The following CHD4 variants were observed in gnomAD, a reference collection of about 807,000 sequenced individuals.
The protein encoded by CHD4 is ATP-dependent chromatin remodeler CHD4.
CHD4 carries 35 observed loss-of-function variants against 235.5 expected under a neutral mutation model. The observed-to-expected ratio is 0.15, with a 90% confidence interval of 0.11 to 0.20. The LOEUF (loss-of-function observed/expected upper bound fraction) is 0.20, where lower values mean the gene tolerates loss of function less well. Ranked by LOEUF, CHD4 falls within the 10% of genes least tolerant of loss-of-function variation. CHD4 has a pLI of 1.00. For synonymous variants in CHD4, 900 were observed against 850.2 expected, an observed-to-expected ratio of 1.06 and a Z score of -1.02; for missense variants, 1,329 against 2,432.3, an observed-to-expected ratio of 0.55 and a Z score of 9.54.
chr12:6,573,549 TAAC>T (rs1948015956), intron 37 of CHD4: 4 of 251,646 alleles, frequency 1.6e-5, no homozygotes, highest in South Asian at 1.3e-4. Flanking sequence ...CAAAAATTTT[TAAC>T]AACAGATAAT....
chr12:6,573,916 CAA>C (rs60218832), intron 37 of CHD4, among the ~76,000 whole-genome samples: 33,787 of 151,672 alleles, frequency 0.22, 5,061 homozygotes, highest in African/African-American at 0.43. Flanking sequence ...TGCAGCTACT[CAA>C]GAGGTTGAGG....
intron 25 of CHD4, among the ~76,000 whole-genome samples, chr12:6,586,679 A>G (rs1417367161): frequency 6.6e-6 from 1 of 151,592 alleles, no homozygotes; most frequent in East Asian, 1.9e-4. Context: ...TGGGTGACAG[A>G]GCAAGACCCT....
rs746971757 is a variant in CHD4, at chr12:6,600,201, A to G, written c.1242+16T>C. 46 of 1,613,022 alleles carry G rather than the reference A, an allele frequency of 2.9e-5. No homozygotes were observed. The highest frequency in any genetic ancestry group is 3.6e-5 in the Non-Finnish European group (42 of 1,179,456). On this transcript the variant is annotated intron_variant, in intron 9 of 39. Transcript: ENST00000544040. ...TTCTCATGGGTTCCAAGGGGCCACA[A>G]TGGCCAGACACTCACGCAGTGTGGG...
At chr12:6,581,004 AAAAC>A (rs150135724) in intron 33 of CHD4, 36 bp downstream of exon 33, 330 of 1,606,124 alleles carry the variant, frequency 2.1e-4, no homozygotes, top group Non-Finnish European at 2.4e-4. Context: ...ACACTGTCTC[AAAAC>A]AAACAAACAA....
chr12:6,586,281 T>TC (rs909013513), intron 25 of CHD4, among the ~76,000 whole-genome samples: 2 of 144,856 alleles, frequency 1.4e-5, no homozygotes, highest in African/African-American at 5.2e-5. Flanking sequence ...GCACCTGTAG[T>TC]CCCCAGCTAC....
intron 10 of CHD4, among the ~76,000 whole-genome samples, chr12:6,599,405 A>G (rs1948551648): frequency 6.6e-6 from 1 of 151,950 alleles, no homozygotes; most frequent in Non-Finnish European, 1.5e-5. Flanking sequence ...GCACCACTGC[A>G]CTCTAGCCCG....
chr12:6,571,386 C>T, intron 38 of CHD4: 1 of 223,208 alleles, frequency 4.5e-6, no homozygotes, highest in Non-Finnish European at 8.9e-6. Flanking sequence ...TCCTCATAAC[C>T]TTTTACTTTA....
At chr12:6,571,406 A>T in intron 38 of CHD4, 1 of 196,040 alleles carries the variant, frequency 5.1e-6, no homozygotes, top group Non-Finnish European at 1.0e-5. Flanking sequence ...AATTAGAAAC[A>T]AAATGTTGAA....
At chr12:6,600,862 T>A in intron 7 of CHD4, 64 bp downstream of exon 7, 11 of 1,528,170 alleles carry the variant, frequency 7.2e-6, no homozygotes, top group Admixed American at 2.2e-5. Context: ...CAGGTTCTGA[T>A]AGAAGGTCAC....
intron 22 of CHD4, among the ~76,000 whole-genome samples, chr12:6,590,739 T>C (rs776777177): frequency 2.0e-5 from 3 of 152,132 alleles, no homozygotes; most frequent in Non-Finnish European, 4.4e-5. Context: ...CAGGATCACT[T>C]GAGCCTGGGG....
Position 6,601,657 on chromosome 12 carries a change from TGGCTGAA to T in CHD4, c.541_547del (p.Phe181SerfsTer19). The T allele has an allele frequency of 6.2e-7, 1 of 1,614,200 alleles. No individual in the cohort carries two copies. Among genetic ancestry groups the T allele is most frequent in the Non-Finnish European group, 8.5e-7 (1 of 1,180,012 alleles). ...ACCCCTTCTGTTTTACCTGACAAAC[TGGCTGAA>T]GGCCTTGTAGTTGGTGAGGGTTCGA... On this transcript the variant is annotated frameshift_variant, in exon 5 of 40. Coordinates refer to ENST00000544040, the MANE Select transcript of CHD4 (RefSeq NM_001273.5). LOFTEE classifies it high-confidence loss of function.
chr12:6,594,791 T>G (rs1039499504), intron 14 of CHD4, 141 bp from the exon 15 acceptor site: 102 of 692,538 alleles, frequency 1.5e-4, no homozygotes, highest in Non-Finnish European at 1.9e-4. Context: ...AGATCCCCTA[T>G]GATTACTGCA....
In CHD4 at chr12:6,602,394, G is replaced by A. The variant is rs1341668018; in HGVS notation, c.204C>T (p.Ser68=). The part of the protein sequence containing the change: ...KKPRDPKIPK[S]KRQKKERMLL... ...CACTCACCTCCTTTTTTTGGCGCTT[G>A]CTCTTAGGGATTTTAGGGTCCCGAG... The change falls in exon 3 of 40, where the codon AGC becomes AGT. Residue 68 remains serine (S), a synonymous_variant. Coordinates refer to ENST00000544040, the MANE Select transcript of CHD4 (RefSeq NM_001273.5). 2 of 1,613,428 alleles carry A rather than the reference G, an allele frequency of 1.2e-6. No individual in the cohort carries two copies. The highest frequency in any genetic ancestry group is 2.2e-5 in the East Asian group (1 of 44,870).
chr12:6,586,203 C>T (rs1222251814), intron 25 of CHD4, among the ~76,000 whole-genome samples: 1 of 151,272 alleles, frequency 6.6e-6, no homozygotes, highest in Non-Finnish European at 1.5e-5. Context: ...TCGAGACCAT[C>T]CTGGCTAACA....
Position 6,577,914 on chromosome 12 carries a change from A to G in CHD4, c.5232T>C (p.His1744=), listed in dbSNP as rs370626030. The G allele has an allele frequency of 4.3e-6, 7 of 1,614,124 alleles. No homozygotes were observed. Among genetic ancestry groups the G allele is most frequent in the African/African-American group, 1.3e-5 (1 of 75,072 alleles). The change falls in exon 37 of 40, where the codon CAT becomes CAC. Residue 1744 remains histidine (H), a synonymous_variant. Transcript: ENST00000544040. ...GGATGTCTTGCCACCGGGCATAGCCATGGCTATTGGAAAAGTGCTCAGGAA... is the reference window on the plus strand; with the variant it reads ...GGATGTCTTGCCACCGGGCATAGCCGTGGCTATTGGAAAAGTGCTCAGGAA... ...DYWLLAGIIN[H]GYARWQDIQN...
At chr12:6,606,194 AGC>A in intron 2 of CHD4, 78 bp downstream of exon 2, 1 of 952,196 alleles carries the variant, frequency 1.1e-6, no homozygotes. Flanking sequence ...GGAGCAACAC[AGC>A]CCTGCCTCAC....
rs775604173 is a variant in CHD4, at chr12:6,601,785, C to T, written c.439-19G>A. 1.2e-6 allele frequency: 2 copies of T among 1,606,646 alleles called. No homozygotes were observed. Among genetic ancestry groups the T allele is most frequent in the South Asian group, 2.2e-5 (2 of 90,870 alleles). On this transcript the variant is annotated intron_variant, in intron 4 of 39. Transcript: ENST00000544040. ...TAGGCTCCTGCAGAAAGAGCAAAGT[C>T]AAGTAAGTACCTGCCACCTAGTGCC... is the stretch of plus-strand genomic sequence containing the variant.
At chr12:6,575,266 G>C (rs945224791) in intron 37 of CHD4, among the ~76,000 whole-genome samples, 1 of 152,056 alleles carries the variant, frequency 6.6e-6, no homozygotes, top group African/African-American at 2.4e-5. Context: ...TGGCCAATAT[G>C]GCAAAACCCC....
In CHD4 at chr12:6,596,073, A is replaced by C. The variant is rs1482583979; in HGVS notation, c.1957T>G (p.Ser653Ala). The C allele has an allele frequency of 2.5e-6, 4 of 1,613,988 alleles. No individual in the cohort carries two copies. The highest frequency in any genetic ancestry group is 2.5e-6 in the Non-Finnish European group (3 of 1,180,010). Residue 653 changes from serine (S) to alanine (A), a missense_variant, in exon 13 of 40, where the codon TCT (serine) becomes GCT (alanine). Coordinates refer to ENST00000544040, the MANE Select transcript of CHD4 (RefSeq NM_001273.5). Reference sequence around the variant, plus strand: ...ATCTCCACATCCTCACTCTCCCAAGAAGCCTGATCGTAAGGTAAGTCCCGC... The same window carrying C: ...ATCTCCACATCCTCACTCTCCCAAGCAGCCTGATCGTAAGGTAAGTCCCGC... ...KWRDLPYDQA[S>A]WESEDVEIQD...
Sources: allele counts gnomAD v4.1 joint callset (sites outside exome capture counted in the v4.1 genomes callset), GRCh38; gene constraint gnomAD v4.1.1; transcripts MANE v1.5; gene names NCBI Gene and HGNC (gene_info 2026-07-23, HGNC 2026-07-21).